NRG3: variants seen among roughly 807,000 people sequenced by gnomAD.
NRG3 encodes the protein neuregulin 3.
A neutral mutation model predicts 66.9 loss-of-function variants in NRG3; 31 were observed. The observed-to-expected ratio is 0.46, with a 90% confidence interval of 0.35 to 0.63. The LOEUF (loss-of-function observed/expected upper bound fraction) is 0.63. Ranked by LOEUF, NRG3 falls within the 20% of genes least tolerant of loss-of-function variation. The probability of loss-of-function intolerance (pLI) is 0.00; values close to 1 mark genes in which losing one functional copy is unlikely to be tolerated. For synonymous variants in NRG3, 393 were observed against 359.4 expected (o/e 1.09, Z -1.06); for missense variants, 910 against 878.9 (o/e 1.04, Z -0.45).
chr10:82,945,711 T>C lies in NRG3; in HGVS notation c.1055-5758T>C, dbSNP rs140277664. ...TCTCATGATAACAGTATTAATCCCT[T>C]CATGAGTGGAGCCTTCATTGCCTAA... On this transcript the variant is annotated intron_variant, in intron 4 of 8. Transcript: ENST00000372141. Among the ~76,000 whole-genome samples, 763 of 152,248 alleles carry C rather than the reference T, an allele frequency of 5.0e-3. 12 individuals are homozygous for C. Among genetic ancestry groups the C allele is most frequent in the East Asian group, 0.025 (128 of 5,166 alleles).
In NRG3 at chr10:81,994,747, G is replaced by A. The variant is rs868841499; in HGVS notation, c.823+118584G>A. On this transcript the variant is annotated intron_variant, in intron 1 of 8. Coordinates refer to ENST00000372141, the MANE Select transcript of NRG3 (RefSeq NM_001010848.4). ...TTTTTTGGTGTCTGATTATATAGAA[G>A]TCAAATTTGAAGCAAGTCCAATTTG... Among the ~76,000 whole-genome samples the A allele has an allele frequency of 1.4e-4, 21 of 152,080 alleles. No homozygotes were observed. The South Asian group carries it at 1.7e-3, about 12-fold the overall frequency.
intron 1 of NRG3, among the ~76,000 whole-genome samples, chr10:81,928,199 G>C (rs1846994899): frequency 6.6e-6 from 1 of 152,154 alleles, no homozygotes; most frequent in Non-Finnish European, 1.5e-5. Context: ...ATATTATGTA[G>C]CATCTACAGT....
At chr10:82,646,800 G>C (rs1315280672) in intron 2 of NRG3, among the ~76,000 whole-genome samples, 2 of 152,236 alleles carry the variant, frequency 1.3e-5, no homozygotes, top group Non-Finnish European at 2.9e-5. Flanking sequence ...GTCAGGGTTT[G>C]CTAACTGGTG....
Position 82,720,805 on chromosome 10 carries a change from T to TTATATATATATATATATATATATA in NRG3, c.954-17768_954-17767insTATATATATATATATATATATATA, listed in dbSNP as rs1363560030. 3.5e-4 allele frequency among the ~76,000 whole-genome samples: 22 copies of TTATATATATATATATATATATATA among 63,472 alleles called. 1 individual carries two copies. The highest frequency in any genetic ancestry group is 1.5e-3 in the African/African-American group (21 of 13,756). 41.6% of individuals were successfully genotyped at this position (63,472 alleles called of 152,430 possible). ...AGTAAAACACATATATAGGAGTATT[T>TTATATATATATATATATATATATA]TATACATATATATATATATATATAT... On this transcript the variant is annotated intron_variant, in intron 2 of 8. Coordinates refer to ENST00000372141, the MANE Select transcript of NRG3 (RefSeq NM_001010848.4).
intron 3 of NRG3, among the ~76,000 whole-genome samples, chr10:82,834,513 G>A (rs141111330): frequency 1.9e-3 from 286 of 152,266 alleles, no homozygotes; most frequent in African/African-American, 6.6e-3. Context: ...CAATCATTTG[G>A]CATTTGAGGA....
intron 4 of NRG3, among the ~76,000 whole-genome samples, chr10:82,918,375 G>A (rs756180525): frequency 2.6e-5 from 4 of 152,076 alleles, no homozygotes; most frequent in Non-Finnish European, 4.4e-5. Flanking sequence ...ATCTTTCTCA[G>A]CCTTGTTTTC....
At chr10:82,378,510 C>T (rs2085406036) in intron 2 of NRG3, among the ~76,000 whole-genome samples, 1 of 151,866 alleles carries the variant, frequency 6.6e-6, no homozygotes, top group African/African-American at 2.4e-5. Context: ...TTGCTTCTTT[C>T]CTTCCTTCCT....
At chr10:82,695,302 T>G (rs1385184702) in intron 2 of NRG3, among the ~76,000 whole-genome samples, 6 of 152,152 alleles carry the variant, frequency 3.9e-5, no homozygotes. Flanking sequence ...TTTCCGATAC[T>G]GTAATTTATT....
At chr10:82,247,564 C>T (rs1404180323) in intron 1 of NRG3, among the ~76,000 whole-genome samples, 1 of 152,068 alleles carries the variant, frequency 6.6e-6, no homozygotes, top group Non-Finnish European at 1.5e-5. Flanking sequence ...ACCTTCAGTC[C>T]ATTACAGGGT....
At chr10:82,106,579 C>T (rs530988120) in intron 1 of NRG3, among the ~76,000 whole-genome samples, 2 of 150,916 alleles carry the variant, frequency 1.3e-5, no homozygotes, top group Non-Finnish European at 2.9e-5. Context: ...AATCTTGGCT[C>T]ACTGCAACCT....
chr10:82,001,807 C>T (rs1054213797), intron 1 of NRG3, among the ~76,000 whole-genome samples: 2 of 152,120 alleles, frequency 1.3e-5, no homozygotes, highest in African/African-American at 4.8e-5. Flanking sequence ...GCAATCATTT[C>T]ATATAGGATC....
intron 1 of NRG3, among the ~76,000 whole-genome samples, chr10:82,194,086 A>T (rs185815163): frequency 1.3e-5 from 2 of 152,348 alleles, no homozygotes; most frequent in East Asian, 3.9e-4. Context: ...AGAAACCTTA[A>T]CGATGTGAAA....
At chr10:82,479,685 A>C (rs1034405191) in intron 2 of NRG3, among the ~76,000 whole-genome samples, 3 of 143,174 alleles carry the variant, frequency 2.1e-5, no homozygotes, top group African/African-American at 7.8e-5. Context: ...AAAAAAAAAA[A>C]AGCCCGGCAC....
chr10:82,415,864 C>T (rs1469399364), intron 2 of NRG3, among the ~76,000 whole-genome samples: 1 of 152,072 alleles, frequency 6.6e-6, no homozygotes, highest in East Asian at 1.9e-4. Flanking sequence ...TAAAGATGTT[C>T]AGGTAATTTG....
chr10:82,096,173 A>T (rs1417906471), intron 1 of NRG3, among the ~76,000 whole-genome samples: 1 of 152,158 alleles, frequency 6.6e-6, no homozygotes, highest in East Asian at 1.9e-4. Flanking sequence ...TCGATACTTT[A>T]TGCTAAAAAA....
At position 82,949,042 on chromosome 10, in the gene NRG3, C is replaced by G. The variant is rs376123222; in HGVS notation, c.1055-2427C>G. ...TAGATATAGATTTTTTATAGCTACTCTTTATTAGGTTGAGGAAGTGCCTTC... is the reference window on the plus strand; with the variant it reads ...TAGATATAGATTTTTTATAGCTACTGTTTATTAGGTTGAGGAAGTGCCTTC... On this transcript the variant is annotated intron_variant, in intron 4 of 8. Coordinates refer to ENST00000372141, the MANE Select transcript of NRG3 (RefSeq NM_001010848.4). 1.1e-4 allele frequency among the ~76,000 whole-genome samples: 17 copies of G among 152,140 alleles called. 1 individual carries two copies. Among genetic ancestry groups the G allele is most frequent in the Admixed American group, 3.3e-4 (5 of 15,264 alleles).
intron 1 of NRG3, among the ~76,000 whole-genome samples, chr10:82,120,524 C>T (rs1186480669): frequency 1.3e-5 from 2 of 152,068 alleles, no homozygotes; most frequent in African/African-American, 2.4e-5. Context: ...CATGATACCT[C>T]CTTGGCTTTG....
chr10:82,012,963 C>T lies in NRG3; in HGVS notation c.823+136800C>T, dbSNP rs74399561. On this transcript the variant is annotated intron_variant, in intron 1 of 8. Transcript: ENST00000372141. Reference sequence around the variant, plus strand: ...CTTCTTCTGAGCCAACTAAACTGTTCCAAACTCTGCCTGTTACCCAGTTCC... The same window carrying T: ...CTTCTTCTGAGCCAACTAAACTGTTTCAAACTCTGCCTGTTACCCAGTTCC... Among the ~76,000 whole-genome samples the T allele has an allele frequency of 8.1e-3, 1,232 of 152,314 alleles. 6 individuals carry two copies. The highest frequency in any genetic ancestry group is 0.013 in the Non-Finnish European group (866 of 68,028).
At chr10:82,847,502 A>G (rs967966992) in intron 3 of NRG3, among the ~76,000 whole-genome samples, 2 of 152,224 alleles carry the variant, frequency 1.3e-5, no homozygotes, top group African/African-American at 4.8e-5. Flanking sequence ...TCTAAGGTCA[A>G]ACATGGTTAC....
Sources: gnomAD v4.1 joint callset for allele counts (sites outside exome capture counted in the v4.1 genomes callset) on GRCh38, gnomAD v4.1.1 for gene constraint, MANE v1.5 for transcripts, NCBI Gene and HGNC (gene_info 2026-07-23, HGNC 2026-07-21) for gene names.